Variants in ITPR2 observed in about 807,000 individuals in gnomAD.
ITPR2 encodes inositol 1,4,5-trisphosphate receptor type 2.
Under a neutral mutation model 317.1 loss-of-function variants are expected in ITPR2, and 207 were observed. The observed-to-expected ratio is 0.65, with a 90% CI of 0.58 to 0.73. The LOEUF (loss-of-function observed/expected upper bound fraction) is 0.73. ITPR2 is among the 30% of genes least tolerant of loss of function. ITPR2 has a pLI of 0.00. For synonymous variants in ITPR2, 1,156 were observed against 1,149.1 expected, an observed-to-expected ratio of 1.01 and a Z score of -0.12; for missense variants, 2,613 against 3,284.0, an observed-to-expected ratio of 0.80 and a Z score of 4.99.
At chr12:26,484,682 G>A (rs1942624024) in intron 41 of ITPR2, among the ~76,000 whole-genome samples, 1 of 152,024 alleles carries the variant, frequency 6.6e-6, no homozygotes, top group Admixed American at 6.5e-5. Flanking sequence ...ATTACTAAAT[G>A]AAAAATGTAA....
chr12:26,573,749 C>A (rs190421355), intron 34 of ITPR2, among the ~76,000 whole-genome samples: 133 of 152,164 alleles, frequency 8.7e-4, no homozygotes, highest in African/African-American at 3.0e-3. Flanking sequence ...AGATGAGACT[C>A]CGAAAGAAGG....
At chr12:26,472,866 T>C (rs1338988353) in intron 45 of ITPR2, among the ~76,000 whole-genome samples, 1 of 152,040 alleles carries the variant, frequency 6.6e-6, no homozygotes, top group Non-Finnish European at 1.5e-5. Flanking sequence ...TTCTGTACTC[T>C]GTTTTTTTTT....
chr12:26,629,643 C>CT (rs1321053843), intron 22 of ITPR2, among the ~76,000 whole-genome samples: 3 of 151,940 alleles, frequency 2.0e-5, no homozygotes, highest in African/African-American at 4.8e-5. Flanking sequence ...GCAGCTTTCA[C>CT]TGGTTCCCCA....
chr12:26,712,889 C>A (rs151029716), intron 8 of ITPR2, among the ~76,000 whole-genome samples: 2 of 152,348 alleles, frequency 1.3e-5, no homozygotes, highest in East Asian at 3.9e-4. Flanking sequence ...AAGATATTAT[C>A]TATGCTGCAA....
At chr12:26,545,124 G>C (rs920572171) in intron 37 of ITPR2, among the ~76,000 whole-genome samples, 1 of 152,118 alleles carries the variant, frequency 6.6e-6, no homozygotes, top group African/African-American at 2.4e-5. Context: ...GTCAATAAAA[G>C]GGTCATTGTG....
chr12:26,606,365 G>T (rs74987423), intron 26 of ITPR2, among the ~76,000 whole-genome samples: 5 of 152,060 alleles, frequency 3.3e-5, no homozygotes, highest in African/African-American at 1.2e-4. Context: ...ATAGAATATG[G>T]GAAACAGCTT....
At chr12:26,696,707 T>C (rs778625208) in intron 9 of ITPR2, among the ~76,000 whole-genome samples, 10 of 152,212 alleles carry the variant, frequency 6.6e-5, no homozygotes, top group Non-Finnish European at 7.3e-5. Context: ...GTTTTTATCA[T>C]GTGGCAAACT....
chr12:26,683,757 G>A (rs968338518), intron 11 of ITPR2, among the ~76,000 whole-genome samples: 10 of 152,166 alleles, frequency 6.6e-5, no homozygotes, highest in Non-Finnish European at 1.3e-4. Flanking sequence ...GTGAGAGAAT[G>A]CCTAAGAAAG....
chr12:26,364,196 T>A (rs553425878), intron 55 of ITPR2, among the ~76,000 whole-genome samples: 1 of 152,204 alleles, frequency 6.6e-6, no homozygotes, highest in Non-Finnish European at 1.5e-5. Context: ...TGAATCCACC[T>A]GTCCTGGGGA....
intron 2 of ITPR2, among the ~76,000 whole-genome samples, chr12:26,772,491 C>CATATAATACATGTATTAT (rs1245838372): frequency 2.0e-5 from 2 of 100,506 alleles, no homozygotes; most frequent in Admixed American, 2.2e-4. Flanking sequence ...ATATATAATA[C>CATATAATACATGTATTAT]ATATAATACA....
chr12:26,622,321 G>A lies in ITPR2; in HGVS notation c.3207C>T (p.Tyr1069=), dbSNP rs1946516987. 2 of 1,614,010 alleles carry A rather than the reference G, an allele frequency of 1.2e-6. No individual in the cohort carries two copies. The highest frequency in any genetic ancestry group is 1.7e-6 in the Non-Finnish European group (2 of 1,179,930). The change falls in exon 25 of 57, where the codon TAC becomes TAT. Residue 1069 remains tyrosine, a synonymous_variant. Coordinates refer to ENST00000381340, the MANE Select transcript of ITPR2 (RefSeq NM_002223.4). ...RVLIHLIMHD[Y]PPLLSGALQL... is the part of the protein sequence containing the mutation. ...GCAGGGCTCCAGACAGCAAAGGCGG[G>A]TAGTCGTGCATGATCAGATGAATGA...
intron 37 of ITPR2, among the ~76,000 whole-genome samples, chr12:26,508,724 C>T (rs1482998735): frequency 6.6e-6 from 1 of 152,118 alleles, no homozygotes; most frequent in Non-Finnish European, 1.5e-5. Context: ...GATCTGGGGA[C>T]ACGGAAAAAG....
chr12:26,605,905 G>C (rs1019261743), intron 26 of ITPR2, among the ~76,000 whole-genome samples: 15 of 152,072 alleles, frequency 9.9e-5, no homozygotes, highest in African/African-American at 3.6e-4. Flanking sequence ...CAGTCATCAG[G>C]GTAATTTGAG....
At chr12:26,586,028 C>T (rs954004607) in intron 32 of ITPR2, among the ~76,000 whole-genome samples, 1 of 151,540 alleles carries the variant, frequency 6.6e-6, no homozygotes, top group Non-Finnish European at 1.5e-5. Context: ...TTGGTTTTTC[C>T]CATTTTCTTA....
intron 46 of ITPR2, among the ~76,000 whole-genome samples, chr12:26,442,495 C>T (rs1378525667): frequency 1.3e-5 from 2 of 152,166 alleles, no homozygotes; most frequent in Admixed American, 6.6e-5. Context: ...AAACTTCTCC[C>T]ATGGCCTGCT....
chr12:26,367,854 A>G (rs1446015976), intron 55 of ITPR2, among the ~76,000 whole-genome samples: 3 of 152,194 alleles, frequency 2.0e-5, no homozygotes, highest in African/African-American at 7.2e-5. Context: ...CACTAATGAT[A>G]TCAACAAATT....
intron 34 of ITPR2, among the ~76,000 whole-genome samples, chr12:26,566,427 TAAG>T (rs1365499066): frequency 2.8e-5 from 2 of 72,080 alleles, no homozygotes; most frequent in African/African-American, 1.1e-4. Flanking sequence ...GAAGGAGAGG[TAAG>T]AGGAGAAGGA....
intron 34 of ITPR2, among the ~76,000 whole-genome samples, chr12:26,565,824 AGAGAG>A (rs1354899208): frequency 1.5e-5 from 2 of 137,190 alleles, no homozygotes; most frequent in African/African-American, 2.8e-5. Context: ...AAAGAAAAGA[AGAGAG>A]GAGAGGAGAG....
chr12:26,626,320 A>G (rs1265143484), intron 23 of ITPR2, among the ~76,000 whole-genome samples: 2 of 152,220 alleles, frequency 1.3e-5, no homozygotes, highest in Non-Finnish European at 2.9e-5. Context: ...TCCAAAGCGT[A>G]AAAAGAAACA....
Sources: gnomAD v4.1 joint callset for allele counts (sites outside exome capture counted in the v4.1 genomes callset) on GRCh38, gnomAD v4.1.1 for gene constraint, MANE v1.5 for transcripts, NCBI Gene and HGNC (gene_info 2026-07-23, HGNC 2026-07-21) for gene names.